ABL2: variants seen among roughly 807,000 people sequenced by gnomAD.
ABL2 encodes tyrosine-protein kinase ABL2.
Under a neutral mutation model 107.7 loss-of-function variants are expected in ABL2, and 49 were observed. That is an observed-to-expected ratio of 0.45 (90% CI 0.36 to 0.58). The LOEUF is 0.58. ABL2 is among the 20% of genes least tolerant of loss of function. The pLI is 0.00. For synonymous variants in ABL2, 549 were observed against 548.6 expected, an observed-to-expected ratio of 1.00 and a Z score of -0.01; for missense variants, 1,245 against 1,457.0, an observed-to-expected ratio of 0.85 and a Z score of 2.37.
chr1:179,141,115 CAAA>C (rs34158477), intron 1 of ABL2, among the ~76,000 whole-genome samples: 3 of 62,916 alleles, frequency 4.8e-5, no homozygotes, highest in African/African-American at 5.8e-5. Context: ...GACTCTGTCT[CAAA>C]AAAAAAAAAA....
At chr1:179,201,790 G>A (rs539356753) in intron 1 of ABL2, 29 of 928,508 alleles carry the variant, frequency 3.1e-5, no homozygotes, top group East Asian at 2.5e-4. Flanking sequence ...AGAATCGGTT[G>A]AGGTGGACAG....
intron 1 of ABL2, among the ~76,000 whole-genome samples, chr1:179,192,168 A>G (rs1661064394): frequency 6.6e-6 from 1 of 152,196 alleles, no homozygotes; most frequent in African/African-American, 2.4e-5. Flanking sequence ...TTAGTTACGA[A>G]AAACAATCCA....
chr1:179,228,045 G>A (rs1046805626), intron 1 of ABL2, among the ~76,000 whole-genome samples: 7 of 98,386 alleles, frequency 7.1e-5, no homozygotes, highest in Non-Finnish European at 9.5e-5. Flanking sequence ...ATGAGACTCC[G>A]TCTCCAAAAA....
At chr1:179,208,383 A>G (rs1046010222) in intron 1 of ABL2, among the ~76,000 whole-genome samples, 1 of 151,344 alleles carries the variant, frequency 6.6e-6, no homozygotes, top group Non-Finnish European at 1.5e-5. Flanking sequence ...GCTCCCACTT[A>G]TAAGTGAGAA....
intron 1 of ABL2, among the ~76,000 whole-genome samples, chr1:179,173,674 G>C (rs928601393): frequency 6.6e-6 from 1 of 152,010 alleles, no homozygotes; most frequent in Non-Finnish European, 1.5e-5. Flanking sequence ...TAGGTTTTTA[G>C]AATAATAATT....
rs991959471 is a variant in ABL2, at chr1:179,150,219, A to T, written c.158-16845T>A. On this transcript the variant is annotated intron_variant, in intron 1 of 11. Coordinates refer to ENST00000502732, the MANE Select transcript of ABL2 (RefSeq NM_007314.4). ...TGTACTCCAGCCTGGGCAGCAAAGCAAGACCCCGTCTCAAAAATGAAACAA... is the reference window on the plus strand; with the variant it reads ...TGTACTCCAGCCTGGGCAGCAAAGCTAGACCCCGTCTCAAAAATGAAACAA... Among the ~76,000 whole-genome samples, 13 of 152,334 alleles carry T rather than the reference A, an allele frequency of 8.5e-5. 1 individual carries two copies. In the East Asian group the frequency reaches 1.3e-3, roughly 16 times the overall value.
At position 179,191,577 on chromosome 1, in the gene ABL2, T is replaced by C. The variant is rs184212400; in HGVS notation, c.157+37664A>G. On this transcript the variant is annotated intron_variant, in intron 1 of 11. Transcript: ENST00000502732. ...CTGGGATTACAGGCATGTGCCACCA[T>C]ACCCAGCTAATTTTTTGTATTTTTA... Among the ~76,000 whole-genome samples the C allele has an allele frequency of 3.0e-3, 457 of 152,084 alleles. 2 individuals carry two copies. Among genetic ancestry groups the C allele is most frequent in the Middle Eastern group, 6.8e-3 (2 of 294 alleles).
chr1:179,132,623 T>G (rs892454908), intron 2 of ABL2, among the ~76,000 whole-genome samples: 2 of 150,740 alleles, frequency 1.3e-5, no homozygotes, highest in African/African-American at 4.9e-5. Context: ...CTGAAACCTC[T>G]GCCTCCCGAG....
chr1:179,209,971 C>G (rs1662175187), intron 1 of ABL2, among the ~76,000 whole-genome samples: 1 of 152,164 alleles, frequency 6.6e-6, no homozygotes, highest in African/African-American at 2.4e-5. Context: ...CACTCTTGGG[C>G]TCAAGCAATC....
At chr1:179,136,102 C>T (rs1338913869) in intron 1 of ABL2, among the ~76,000 whole-genome samples, 4 of 149,554 alleles carry the variant, frequency 2.7e-5, no homozygotes, top group Admixed American at 2.0e-4. Flanking sequence ...GTCAGCCCCC[C>T]GTCCGGCCAG....
intron 11 of ABL2, 128 bp from the exon 12 acceptor site, chr1:179,109,569 C>A: frequency 7.3e-7 from 1 of 1,372,932 alleles, no homozygotes; most frequent in Non-Finnish European, 9.7e-7. Flanking sequence ...GACTCAGAAG[C>A]AAATAATAAA....
intron 11 of ABL2, 44 bp downstream of exon 11, chr1:179,110,238 C>T: frequency 1.2e-6 from 2 of 1,609,644 alleles, no homozygotes; most frequent in East Asian, 2.2e-5. Flanking sequence ...CTTCTTTAAA[C>T]AAGGCAGTTT....
In ABL2 at chr1:179,229,649, G is replaced by GCCA. The variant is rs1553236289; in HGVS notation, c.-253_-252insTGG. ...CGCCCCCAACGCCGCCGCCGCCGCCGCCGCCACCGCCGCCGCCATCTTTAA... is the reference window on the plus strand; with the variant it reads ...CGCCCCCAACGCCGCCGCCGCCGCCGCCACCGCCACCGCCGCCGCCATCTTTAA... On this transcript the variant is annotated 5_prime_UTR_variant, in exon 1 of 12. Transcript: ENST00000502732. 4 of 480,526 alleles carry GCCA rather than the reference G, an allele frequency of 8.3e-6. No homozygotes were observed. The highest frequency in any genetic ancestry group is 4.2e-5 in the East Asian group (1 of 23,668). 29.8% of individuals were successfully genotyped at this position (480,526 alleles called of 1,614,324 possible). A position where few individuals can be genotyped will look rare whatever the true frequency, so the allele number is the denominator to read the frequency against.
chr1:179,186,841 A>G (rs770918788), intron 1 of ABL2, among the ~76,000 whole-genome samples: 4 of 151,734 alleles, frequency 2.6e-5, no homozygotes, highest in Non-Finnish European at 5.9e-5. Context: ...GGTTCAAGCA[A>G]TTCTTAGGCC....
At chr1:179,223,964 CA>C (rs35954631) in intron 1 of ABL2, among the ~76,000 whole-genome samples, 3,283 of 100,916 alleles carry the variant, frequency 0.033, 96 homozygotes, top group African/African-American at 0.084. Flanking sequence ...TCTGTCTCTA[CA>C]AAAAAAAAAA....
intron 1 of ABL2, among the ~76,000 whole-genome samples, chr1:179,154,278 G>A (rs1658547888): frequency 2.0e-5 from 3 of 152,188 alleles, no homozygotes; most frequent in Admixed American, 2.0e-4. Context: ...CAATGAGTTT[G>A]TGATTTTTAA....
rs886594969 is a variant in ABL2, at chr1:179,101,140, A to G, written c.*6578T>C. 4 of 229,818 alleles carry G rather than the reference A, an allele frequency of 1.7e-5. No homozygotes were observed. Among genetic ancestry groups the G allele is most frequent in the Non-Finnish European group, 3.5e-5 (4 of 115,932 alleles). 14.2% of individuals were successfully genotyped at this position (229,818 alleles called of 1,614,324 possible). The stretch of plus-strand genomic sequence containing the variant: ...TTCAATAATCATGCAAAATCAACCC[A>G]GCTGACAAGTCTTTTCCTCTCTGAG... On this transcript the variant is annotated 3_prime_UTR_variant, in exon 12 of 12. Coordinates refer to ENST00000502732, the MANE Select transcript of ABL2 (RefSeq NM_007314.4).
chr1:179,219,323 C>T (rs1482211544), intron 1 of ABL2, among the ~76,000 whole-genome samples: 1 of 151,980 alleles, frequency 6.6e-6, no homozygotes, highest in Non-Finnish European at 1.5e-5. Flanking sequence ...GGATTACAGA[C>T]GTGAGCTACC....
At chr1:179,130,726 TTG>T (rs10643666) in intron 3 of ABL2, among the ~76,000 whole-genome samples, 15,698 of 142,512 alleles carry the variant, frequency 0.11, 898 homozygotes, top group African/African-American at 0.18. Flanking sequence ...ATTATTGATT[TTG>T]TGTGTGTGTG....
Sources: allele counts gnomAD v4.1 joint callset (sites outside exome capture counted in the v4.1 genomes callset), GRCh38; gene constraint gnomAD v4.1.1; transcripts MANE v1.5; gene names NCBI Gene and HGNC (gene_info 2026-07-23, HGNC 2026-07-21).